Variants in FER observed in about 807,000 individuals in gnomAD.
FER encodes FER tyrosine kinase.
Under a neutral mutation model 111.0 loss-of-function variants are expected in FER, and 63 were observed. The ratio of observed to expected loss-of-function variants is 0.57; its 90% CI spans 0.46 to 0.70. FER has a LOEUF of 0.70. Among genes scored for constraint, FER ranks in the 30% least tolerant of loss-of-function variants. The pLI, the probability that FER is intolerant of heterozygous loss-of-function variation, is 0.00. For missense variants in FER, 914 were observed against 954.0 expected, an observed-to-expected ratio of 0.96 and a Z score of 0.55; for synonymous variants, 327 against 313.9, an observed-to-expected ratio of 1.04 and a Z score of -0.44.
intron 11 of FER, among the ~76,000 whole-genome samples, chr5:108,950,809 T>G (rs1301571682): frequency 6.6e-6 from 1 of 152,138 alleles, no homozygotes; most frequent in African/African-American, 2.4e-5. Context: ...CTTTCCTACC[T>G]ATGATTACAT....
intron 13 of FER, among the ~76,000 whole-genome samples, chr5:108,994,609 A>C (rs1423593046): frequency 6.6e-6 from 1 of 152,120 alleles, no homozygotes; most frequent in African/African-American, 2.4e-5. Context: ...TTTTGGTTCT[A>C]TATGAATTTT....
At chr5:108,809,643 G>C (rs1757545728) in intron 3 of FER, among the ~76,000 whole-genome samples, 1 of 152,080 alleles carries the variant, frequency 6.6e-6, no homozygotes, top group Non-Finnish European at 1.5e-5. Context: ...GCTCTCTTCA[G>C]CCTTGATCTT....
intron 2 of FER, among the ~76,000 whole-genome samples, chr5:108,793,362 C>T (rs190427395): frequency 8.0e-4 from 121 of 152,124 alleles, no homozygotes; most frequent in Non-Finnish European, 1.5e-5. Context: ...CTGAATAGTA[C>T]TCCATTGCGT....
At chr5:108,787,027 G>C (rs1170983613) in intron 2 of FER, among the ~76,000 whole-genome samples, 2 of 152,136 alleles carry the variant, frequency 1.3e-5, no homozygotes, top group African/African-American at 4.8e-5. Context: ...ACTCTGCAGA[G>C]CCAGCAGGGG....
intron 16 of FER, among the ~76,000 whole-genome samples, chr5:109,088,210 G>A (rs927981605): frequency 6.6e-6 from 1 of 151,934 alleles, no homozygotes; most frequent in Admixed American, 6.6e-5. Flanking sequence ...GTTCCCATTT[G>A]CATTGTTTCT....
intron 10 of FER, among the ~76,000 whole-genome samples, chr5:108,942,013 T>C (rs1258044056): frequency 6.6e-6 from 1 of 152,092 alleles, no homozygotes; most frequent in Non-Finnish European, 1.5e-5. Context: ...AGGCTGTGCA[T>C]GTGTGGGGGC....
Position 109,044,811 on chromosome 5 carries a change from T to C in FER, c.1829+16T>C. ...AAGAAGCCAAGTGAGTTATTTAAAG[T>C]AATCAAAATATGTATTTATTATGTA... On this transcript the variant is annotated intron_variant, in intron 15 of 19. Transcript: ENST00000281092. 2 of 1,173,922 alleles carry C rather than the reference T, an allele frequency of 1.7e-6. No individual in the cohort carries two copies. Among genetic ancestry groups the C allele is most frequent in the Non-Finnish European group, 2.4e-6 (2 of 817,464 alleles). 72.7% of individuals were successfully genotyped at this position (1,173,922 alleles called of 1,614,324 possible).
intron 8 of FER, among the ~76,000 whole-genome samples, chr5:108,876,533 A>G (rs1765109111): frequency 6.6e-6 from 1 of 152,192 alleles, no homozygotes; most frequent in South Asian, 2.1e-4. Context: ...TATAGTGTCA[A>G]AAGAAGAAGA....
In FER at chr5:108,771,084, C is replaced by T. The variant is rs950481301; in HGVS notation, c.-60+2846C>T. Among the ~76,000 whole-genome samples, 8 of 151,814 alleles carry T rather than the reference C, an allele frequency of 5.3e-5. No individual in the cohort carries two copies. In the East Asian group the frequency reaches 9.7e-4, roughly 18 times the overall value. ...CCGAGTAGCTGGGATTACAGATGCC[C>T]GCCACCATGCCCAGCTAATTTTTGT... On this transcript the variant is annotated intron_variant, in intron 2 of 19. Transcript: ENST00000281092.
intron 17 of FER, among the ~76,000 whole-genome samples, chr5:109,134,637 A>G (rs1752704553): frequency 6.6e-6 from 1 of 152,184 alleles, no homozygotes; most frequent in Admixed American, 6.5e-5. Context: ...TTGTGCTTCC[A>G]TTAAGAGCAG....
chr5:109,056,243 T>G (rs1301272737), intron 16 of FER, among the ~76,000 whole-genome samples: 1 of 152,172 alleles, frequency 6.6e-6, no homozygotes, highest in Non-Finnish European at 1.5e-5. Flanking sequence ...GCAAATTTAA[T>G]CACCGCTTGT....
At chr5:109,126,007 G>GA (rs1554142818) in intron 17 of FER, among the ~76,000 whole-genome samples, 1 of 148,450 alleles carries the variant, frequency 6.7e-6, no homozygotes, top group South Asian at 2.1e-4. Flanking sequence ...ATCTATAGCT[G>GA]TTTTTTTTTT....
intron 13 of FER, among the ~76,000 whole-genome samples, chr5:109,032,758 A>G (rs1003350486): frequency 1.1e-4 from 17 of 152,228 alleles, no homozygotes; most frequent in African/African-American, 4.1e-4. Flanking sequence ...TGTAGCCCAT[A>G]TCTTACAGTG....
chr5:108,780,509 T>C (rs537825933), intron 2 of FER, among the ~76,000 whole-genome samples: 4 of 152,160 alleles, frequency 2.6e-5, no homozygotes, highest in African/African-American at 9.6e-5. Flanking sequence ...ATAGGTAATG[T>C]CTTTTTTCCA....
chr5:109,031,396 G>C (rs748272686), intron 13 of FER, among the ~76,000 whole-genome samples: 19 of 152,076 alleles, frequency 1.2e-4, no homozygotes, highest in Non-Finnish European at 1.8e-4. Flanking sequence ...TATGCTTCTA[G>C]AACTTGTCCA....
At chr5:109,155,793 A>G (rs1351826124) in intron 17 of FER, among the ~76,000 whole-genome samples, 1 of 151,942 alleles carries the variant, frequency 6.6e-6, no homozygotes, top group Admixed American at 6.6e-5. Flanking sequence ...GCCAGCATGA[A>G]CTCAAAAACA....
chr5:109,053,730 G>T (rs111638246), intron 16 of FER, among the ~76,000 whole-genome samples: 8,987 of 129,624 alleles, frequency 0.069, 967 homozygotes, highest in African/African-American at 0.24. Flanking sequence ...TCTCGCTCTC[G>T]CCCAGGCTGG....
Position 108,755,442 on chromosome 5 carries a change from A to G in FER, c.-206+7442A>G, listed in dbSNP as rs186623918. On this transcript the variant is annotated intron_variant, in intron 1 of 19. Transcript: ENST00000281092. ...GGCTCCCTTGTTAATTTCACATTCTACAAAGAAAAGTGCATTTGACTCTTC... is the reference window on the plus strand; with the variant it reads ...GGCTCCCTTGTTAATTTCACATTCTGCAAAGAAAAGTGCATTTGACTCTTC... Among the ~76,000 whole-genome samples, 4 of 152,228 alleles carry G rather than the reference A, an allele frequency of 2.6e-5. No individual in the cohort carries two copies. In the East Asian group the frequency reaches 5.8e-4, roughly 22 times the overall value.
intron 10 of FER, among the ~76,000 whole-genome samples, chr5:108,912,535 T>C (rs1453120296): frequency 2.0e-5 from 3 of 152,170 alleles, no homozygotes; most frequent in Non-Finnish European, 4.4e-5. Context: ...CTAATTTTTG[T>C]ATTTTTAGTA....
Sources: gnomAD v4.1 joint callset for allele counts (sites outside exome capture counted in the v4.1 genomes callset) on GRCh38, gnomAD v4.1.1 for gene constraint, MANE v1.5 for transcripts, NCBI Gene and HGNC (gene_info 2026-07-23, HGNC 2026-07-21) for gene names.